CLVS1: variants seen among roughly 807,000 people sequenced by gnomAD.
CLVS1 encodes the protein clavesin-1.
CLVS1 carries 10 observed loss-of-function variants against 33.1 expected under a neutral mutation model. That is an observed-to-expected ratio of 0.30 (90% CI 0.19 to 0.51). CLVS1 has a LOEUF of 0.51. Ranked by LOEUF, CLVS1 falls within the 20% of genes least tolerant of loss-of-function variation. The pLI, the probability that CLVS1 is intolerant of heterozygous loss-of-function variation, is 0.97. For missense variants in CLVS1, 343 were observed against 433.4 expected (o/e 0.79, Z 1.85); for synonymous variants, 163 against 166.1 (o/e 0.98, Z 0.14).
chr8:61,375,054 C>A (rs1174043861), intron 2 of CLVS1, among the ~76,000 whole-genome samples: 2 of 152,092 alleles, frequency 1.3e-5, no homozygotes, highest in East Asian at 3.9e-4. Flanking sequence ...TATCCCGAGC[C>A]TTCATCCCTC....
At chr8:61,247,280 C>G (rs1379279967) in intron 2 of CLVS1, among the ~76,000 whole-genome samples, 2 of 152,090 alleles carry the variant, frequency 1.3e-5, no homozygotes, top group Admixed American at 6.5e-5. Flanking sequence ...GTCTTTATGG[C>G]AGAATGATTT....
intron 2 of CLVS1, among the ~76,000 whole-genome samples, chr8:61,358,597 C>G (rs1462434704): frequency 6.6e-6 from 1 of 152,100 alleles, no homozygotes; most frequent in African/African-American, 2.4e-5. Context: ...TATGCTCACA[C>G]TAAATTAAAA....
chr8:61,229,380 T>A (rs1277925247), intron 2 of CLVS1, among the ~76,000 whole-genome samples: 1 of 152,240 alleles, frequency 6.6e-6, no homozygotes, highest in Non-Finnish European at 1.5e-5. Flanking sequence ...TTTACCTCTG[T>A]TCCCATTCAT....
At position 61,320,128 on chromosome 8, in the gene CLVS1, G is replaced by A. The variant is rs547122422; in HGVS notation, c.455+19846G>A. ...TCCTTCTAATGATTCTGACTTATCA[G>A]ATATTAACATTCTGTCTCTACATAC... On this transcript the variant is annotated intron_variant, in intron 2 of 5. Coordinates refer to ENST00000325897, the MANE Select transcript of CLVS1 (RefSeq NM_173519.3). 7.2e-5 allele frequency among the ~76,000 whole-genome samples: 11 copies of A among 152,024 alleles called. No individual in the cohort carries two copies. In the South Asian group the frequency reaches 2.3e-3, roughly 32 times the overall value.
At chr8:61,100,954 A>G (rs574975215) in intron 1 of CLVS1, among the ~76,000 whole-genome samples, 1 of 152,280 alleles carries the variant, frequency 6.6e-6, no homozygotes, top group South Asian at 2.1e-4. Context: ...GATATAATAC[A>G]TTCTATTTAT....
At chr8:61,305,947 G>A (rs1810610045) in intron 2 of CLVS1, among the ~76,000 whole-genome samples, 1 of 152,078 alleles carries the variant, frequency 6.6e-6, no homozygotes, top group Non-Finnish European at 1.5e-5. Flanking sequence ...TCAGTGATGG[G>A]CATCTAGGTT....
intron 2 of CLVS1, among the ~76,000 whole-genome samples, chr8:61,173,803 T>G (rs1030117977): frequency 6.6e-6 from 1 of 152,196 alleles, no homozygotes; most frequent in Non-Finnish European, 1.5e-5. Flanking sequence ...CCTCAAGTAT[T>G]CAGCCGAATA....
intron 2 of CLVS1, among the ~76,000 whole-genome samples, chr8:61,262,999 T>A (rs775189047): frequency 6.6e-6 from 1 of 152,166 alleles, no homozygotes; most frequent in African/African-American, 2.4e-5. Context: ...TGCCACATTG[T>A]CTCAGGGCAG....
chr8:61,450,400 G>T (rs1816910039), intron 3 of CLVS1, among the ~76,000 whole-genome samples: 1 of 152,144 alleles, frequency 6.6e-6, no homozygotes, highest in Admixed American at 6.5e-5. Flanking sequence ...ACCATAAAAT[G>T]ATATTGCCAT....
chr8:61,116,218 GTTGT>G (rs1358097169), intron 1 of CLVS1, among the ~76,000 whole-genome samples: 3 of 151,758 alleles, frequency 2.0e-5, no homozygotes, highest in African/African-American at 7.3e-5. Flanking sequence ...TTTTGATGGG[GTTGT>G]TTGTTTTTTT....
chr8:61,101,556 C>T (rs1367386511), intron 1 of CLVS1, among the ~76,000 whole-genome samples: 2 of 152,010 alleles, frequency 1.3e-5, no homozygotes, highest in Non-Finnish European at 2.9e-5. Context: ...ATTTTTATCC[C>T]ATTCTGTGGG....
At chr8:61,137,191 A>G (rs1464708290) in intron 2 of CLVS1, among the ~76,000 whole-genome samples, 1 of 152,200 alleles carries the variant, frequency 6.6e-6, no homozygotes, top group Non-Finnish European at 1.5e-5. Flanking sequence ...CAGGACTCCC[A>G]GTTAAGATGG....
At chr8:61,331,298 T>G (rs1811581436) in intron 2 of CLVS1, among the ~76,000 whole-genome samples, 1 of 152,150 alleles carries the variant, frequency 6.6e-6, no homozygotes, top group Non-Finnish European at 1.5e-5. Flanking sequence ...AAACATTTCC[T>G]GGTGTTCTGT....
At chr8:61,425,846 G>T (rs1052168429) in intron 3 of CLVS1, among the ~76,000 whole-genome samples, 1 of 152,150 alleles carries the variant, frequency 6.6e-6, no homozygotes, top group Non-Finnish European at 1.5e-5. Flanking sequence ...TCTTTCTTGA[G>T]GAAAGCTCAG....
intron 2 of CLVS1, among the ~76,000 whole-genome samples, chr8:61,219,018 A>C (rs1466574905): frequency 6.6e-6 from 1 of 152,166 alleles, no homozygotes. Context: ...AAGGTAGACA[A>C]AGAAGCTCAC....
At chr8:61,424,401 C>A (rs1815799589) in intron 3 of CLVS1, among the ~76,000 whole-genome samples, 1 of 152,128 alleles carries the variant, frequency 6.6e-6, no homozygotes, top group Admixed American at 6.5e-5. Context: ...AGCAAAGAAC[C>A]ATAAACACAA....
chr8:61,350,428 T>C (rs1420524571), intron 2 of CLVS1, among the ~76,000 whole-genome samples: 1 of 152,170 alleles, frequency 6.6e-6, no homozygotes, highest in Non-Finnish European at 1.5e-5. Context: ...TTGATTTGTA[T>C]CAGAACATAC....
the CLVS1 span, among the ~76,000 whole-genome samples, chr8:61,038,437 G>GTATATATA: frequency 0.1 from 14,324 of 142,378 alleles, 827 homozygotes; most frequent in African/African-American, 0.16. Flanking sequence ...CCTGTCGTTT[G>GTATATATA]TATATATATA....
chr8:61,065,929 A>G (rs566320670), intron 1 of CLVS1, among the ~76,000 whole-genome samples: 12 of 152,376 alleles, frequency 7.9e-5, no homozygotes, highest in African/African-American at 2.4e-4. Context: ...TACACATAGC[A>G]TGTTGTGACA....
Sources: allele counts gnomAD v4.1 joint callset (sites outside exome capture counted in the v4.1 genomes callset), GRCh38; gene constraint gnomAD v4.1.1; transcripts MANE v1.5; gene names NCBI Gene and HGNC (gene_info 2026-07-23, HGNC 2026-07-21).